The following FKBP15 variants were observed in gnomAD, a reference collection of about 807,000 sequenced individuals.
FKBP15 encodes the protein FKBP prolyl isomerase family member 15.
A neutral mutation model predicts 158.1 loss-of-function variants in FKBP15; 106 were observed. That is an observed-to-expected ratio of 0.67 (90% CI 0.57 to 0.79). The LOEUF (loss-of-function observed/expected upper bound fraction) is 0.79, where lower values mean the gene tolerates loss of function less well. Ranked by LOEUF, FKBP15 falls within the 30% of genes least tolerant of loss-of-function variation. The pLI is 0.00. For synonymous variants in FKBP15, 547 were observed against 548.6 expected (o/e 1.00, Z 0.04); for missense variants, 1,287 against 1,479.1 (o/e 0.87, Z 2.13).
rs763637345 is a variant in FKBP15 at position 113,170,505 on chromosome 9, C to CAGCT, written c.2766+13_2766+16dup. Reference sequence around the variant, plus strand: ...ATGCCCAATACGATGAAACAAATGACAGCTGGCTGGCTGTACCTTGATCGT... The same window carrying CAGCT: ...ATGCCCAATACGATGAAACAAATGACAGCTAGCTGGCTGGCTGTACCTTGATCGT... On this transcript the variant is annotated intron_variant, in intron 25 of 27. Transcript: ENST00000238256. The CAGCT allele has an allele frequency of 6.4e-7, 1 of 1,553,156 alleles. No homozygotes were observed. The highest frequency in any genetic ancestry group is 8.9e-7 in the Non-Finnish European group (1 of 1,125,074).
At position 113,169,837 on chromosome 9, in the gene FKBP15, C is replaced by T. The variant is rs867503010; in HGVS notation, c.2872G>A (p.Glu958Lys). 3 of 1,559,206 alleles carry T rather than the reference C, an allele frequency of 1.9e-6. No individual in the cohort carries two copies. The highest frequency in any genetic ancestry group is 2.7e-5 in the African/African-American group (2 of 73,572). The part of the protein sequence containing the change: ...AEERPRRPSQ[E>K]QSASASSGQP... ...CCAGAACTGGCTGAGGCTGACTGCT[C>T]CTGGGAAGGTCTTCGTGGCCGCTCT... Residue 958 changes from glutamate (E) to lysine (K), a missense_variant, in exon 26 of 28, where the codon GAG (glutamate) becomes AAG (lysine). Transcript: ENST00000238256.
chr9:113,166,140 G>A lies in FKBP15; in HGVS notation c.3598C>T (p.Pro1200Ser), dbSNP rs2118850261. ...TCTCCAAAAAGGGGCGTTGGGGGCG[G>A]GCGTCCCTTCATGCTCTGATAAAAC... ...DEDEVSMKGR[P>S]PPTPLFGDDD... The change falls in exon 28 of 28, where the codon CCG (proline) becomes TCG (serine). Residue 1200 changes from proline (P) to serine (S), a missense_variant. Coordinates refer to ENST00000238256, the MANE Select transcript of FKBP15 (RefSeq NM_015258.2). 2 of 1,613,264 alleles carry A rather than the reference G, an allele frequency of 1.2e-6. No individual in the cohort carries two copies. Among genetic ancestry groups the A allele is most frequent in the East Asian group, 4.5e-5 (2 of 44,868 alleles).
At chr9:113,197,111 C>A (rs1284462977) in intron 8 of FKBP15, 33 bp from the exon 9 acceptor site, 1 of 1,603,756 alleles carries the variant, frequency 6.2e-7, no homozygotes, top group East Asian at 2.2e-5. Flanking sequence ...GCTCATCAAA[C>A]AAGAAGCTCC....
intron 1 of FKBP15, among the ~76,000 whole-genome samples, chr9:113,215,215 C>A (rs1171157487): frequency 1.3e-5 from 2 of 152,154 alleles, no homozygotes; most frequent in Non-Finnish European, 2.9e-5. Context: ...TTTGTTTACA[C>A]GCCTTCCTCA....
At position 113,166,138 on chromosome 9, in the gene FKBP15, C is replaced by T. The variant is rs548372345; in HGVS notation, c.3600G>A (p.Pro1200=). The T allele has an allele frequency of 8.1e-6, 13 of 1,613,246 alleles. No homozygotes were observed. The highest frequency in any genetic ancestry group is 1.7e-4 in the Middle Eastern group (1 of 6,052). The change falls in exon 28 of 28, where the codon CCG becomes CCA. Residue 1200 remains proline, a synonymous_variant. Transcript: ENST00000238256. The stretch of plus-strand genomic sequence containing the variant: ...CATCTCCAAAAAGGGGCGTTGGGGG[C>T]GGGCGTCCCTTCATGCTCTGATAAA... ...DEDEVSMKGR[P]PPTPLFGDDD...
intron 12 of FKBP15, 184 bp from the exon 13 acceptor site, chr9:113,188,675 T>C: frequency 1.8e-6 from 1 of 559,148 alleles, no homozygotes; most frequent in East Asian, 2.9e-5. Flanking sequence ...TGCTATGCAA[T>C]AAAGTAAGAG....
In FKBP15 at chr9:113,202,534, C is replaced by T. The variant is rs775477298; in HGVS notation, c.495G>A (p.Lys165=). Residue 165 remains lysine (K), a synonymous_variant, in exon 6 of 28, where the codon AAG becomes AAA. Coordinates refer to ENST00000238256, the MANE Select transcript of FKBP15 (RefSeq NM_015258.2). The part of the protein sequence containing the change: ...ESEKAAVEFN[K]QVCIAKCNST... ...AGGGAGAGTAAGATGTTATCACCTG[C>T]TTATTGAACTCCACAGCAGCCTTTT... 14 of 1,573,084 alleles carry T rather than the reference C, an allele frequency of 8.9e-6. No individual in the cohort carries two copies. The highest frequency in any genetic ancestry group is 4.6e-5 in the East Asian group (2 of 43,366).
At position 113,176,515 on chromosome 9, in the gene FKBP15, CCAACTGGG is replaced by C. The variant is rs1178249489; in HGVS notation, c.2223+14_2223+21del. The C allele has an allele frequency of 1.9e-6, 3 of 1,547,864 alleles. No homozygotes were observed. In the African/African-American group the frequency reaches 4.1e-5, roughly 21 times the overall value. ...ATGTTTATTAAACAGCTAATTCTGG[CCAACTGGG>C]TTGTAGAGCTTACCTTTTCCAAGGA... On this transcript the variant is annotated intron_variant, in intron 21 of 27. Coordinates refer to ENST00000238256, the MANE Select transcript of FKBP15 (RefSeq NM_015258.2).
At chr9:113,217,594 C>T (rs1587980775) in intron 1 of FKBP15, among the ~76,000 whole-genome samples, 1 of 152,184 alleles carries the variant, frequency 6.6e-6, no homozygotes, top group East Asian at 1.9e-4. Context: ...CATGGTGGCT[C>T]ACTCTCAGAG....
intron 19 of FKBP15, among the ~76,000 whole-genome samples, chr9:113,179,418 C>T (rs1830352662): frequency 6.6e-6 from 1 of 152,188 alleles, no homozygotes; most frequent in South Asian, 2.1e-4. Flanking sequence ...AATCCCACCA[C>T]TTTGGGAGGC....
chr9:113,188,565 T>C, intron 12 of FKBP15, 74 bp from the exon 13 acceptor site: 1 of 1,198,834 alleles, frequency 8.3e-7, no homozygotes, highest in Admixed American at 2.0e-5. Flanking sequence ...CTGTCTGCCC[T>C]AAACCTGCTT....
At chr9:113,204,348 G>C (rs576488264) in intron 4 of FKBP15, among the ~76,000 whole-genome samples, 1 of 152,250 alleles carries the variant, frequency 6.6e-6, no homozygotes, top group Non-Finnish European at 1.5e-5. Flanking sequence ...GATTGCAGGC[G>C]TAAGCCACCG....
chr9:113,197,752 A>AT (rs1363395145), intron 8 of FKBP15, among the ~76,000 whole-genome samples: 1 of 152,266 alleles, frequency 6.6e-6, no homozygotes, highest in Non-Finnish European at 1.5e-5. Context: ...CAAAAACTTC[A>AT]TAAGGTTGTC....
intron 1 of FKBP15, among the ~76,000 whole-genome samples, chr9:113,218,380 TATATATATATA>T (rs750998002): frequency 0.2 from 18,721 of 93,002 alleles, 1,418 homozygotes; most frequent in African/African-American, 0.26. Flanking sequence ...AATACAATTA[TATATATATATA>T]TATATATATA....
Position 113,161,805 on chromosome 9 carries a change from C to T in FKBP15, c.*4273G>A. On this transcript the variant is annotated 3_prime_UTR_variant, in exon 28 of 28. Coordinates refer to ENST00000238256, the MANE Select transcript of FKBP15 (RefSeq NM_015258.2). ...ACTTCACAGAGAGGACAGCGAGGCC[C>T]AGGGAAGGACCAGGACTTGCCAAAG... is the stretch of plus-strand genomic sequence containing the variant. The T allele has an allele frequency of 7.8e-7, 1 of 1,275,118 alleles. No homozygotes were observed. Among genetic ancestry groups the T allele is most frequent in the Non-Finnish European group, 1.1e-6 (1 of 891,410 alleles). The allele number at this position is 1,275,118 out of a possible 1,614,324, so 79.0% of individuals were successfully genotyped here.
At chr9:113,170,397 G>T in intron 25 of FKBP15, 125 bp downstream of exon 25, 1 of 722,370 alleles carries the variant, frequency 1.4e-6, no homozygotes, top group Non-Finnish European at 2.4e-6. Context: ...CTCCCAAAAT[G>T]CTGGGATTAC....
At chr9:113,206,148 G>A in intron 4 of FKBP15, 1 of 198,542 alleles carries the variant, frequency 5.0e-6, no homozygotes, top group Non-Finnish European at 1.0e-5. Context: ...TGGTTAAATG[G>A]CAAATTTTAT....
In FKBP15 at chr9:113,184,784, A is replaced by G; in HGVS notation, c.1519T>C (p.Phe507Leu). The change falls in exon 16 of 28, where the codon TTT becomes CTT. Residue 507 changes from phenylalanine (F) to leucine (L), a missense_variant. Phe to Leu is a conservative substitution (Grantham distance 22). Transcript: ENST00000238256. The surrounding 1 kb of genome is among the most constrained non-coding windows in gnomAD (Gnocchi z 4.5). ...TGTTGCCGGGCTTCAGTCATGAGAA[A>G]TGAAGCCATATCACCTGATCCTAAA... ...HFQGSGDMAS[F>L]LMTEARQHNT... 1 of 1,600,186 alleles carries G rather than the reference A, an allele frequency of 6.2e-7. No individual in the cohort carries two copies.
intron 27 of FKBP15, 70 bp from the exon 28 acceptor site, chr9:113,166,225 G>A (rs1648570813): frequency 1.5e-6 from 2 of 1,372,614 alleles, no homozygotes; most frequent in Non-Finnish European, 2.0e-6. Flanking sequence ...CCTGTGAGTG[G>A]AAGCAATCCA....
Sources: gnomAD v4.1 joint callset for allele counts (sites outside exome capture counted in the v4.1 genomes callset) on GRCh38, gnomAD v4.1.1 for gene constraint, Gnocchi (gnomAD v3.1) non-coding constraint, MANE v1.5 for transcripts, NCBI Gene and HGNC (gene_info 2026-07-23, HGNC 2026-07-21) for gene names.